Variants in RETREG1 observed in about 807,000 individuals in gnomAD.
The protein encoded by RETREG1 is family with sequence similarity 134 member B.
Under a neutral mutation model 54.8 loss-of-function variants are expected in RETREG1, and 44 were observed. That is an observed-to-expected ratio of 0.80 (90% CI 0.63 to 1.03). RETREG1 has a LOEUF of 1.03. Among genes scored for constraint, RETREG1 ranks in the 50% least tolerant of loss-of-function variants. The probability of loss-of-function intolerance (pLI) is 0.00; values close to 1 mark genes in which losing one functional copy is unlikely to be tolerated. For missense variants in RETREG1, 554 were observed against 605.1 expected, an observed-to-expected ratio of 0.92 and a Z score of 0.89; for synonymous variants, 217 against 238.5, an observed-to-expected ratio of 0.91 and a Z score of 0.83.
chr5:16,534,890 A>G (rs1741011408), intron 3 of RETREG1, among the ~76,000 whole-genome samples: 1 of 152,190 alleles, frequency 6.6e-6, no homozygotes, highest in Non-Finnish European at 1.5e-5. Flanking sequence ...TCATTCATTC[A>G]TCGGGCATTT....
At position 16,585,907 on chromosome 5, in the gene RETREG1, A is replaced by G. The variant is rs1349043855; in HGVS notation, c.321-13805T>C. 6.6e-6 allele frequency among the ~76,000 whole-genome samples: 1 copy of G among 152,080 alleles called. No individual in the cohort carries two copies. Among genetic ancestry groups the G allele is most frequent in the South Asian group, 2.1e-4 (1 of 4,820 alleles). On this transcript the variant is annotated intron_variant, in intron 1 of 8. Coordinates refer to ENST00000306320, the MANE Select transcript of RETREG1 (RefSeq NM_001034850.3). The surrounding 1 kb of genome is among the most constrained non-coding windows in gnomAD (Gnocchi z 4.5). ...ACTATCTTGAGAACAGCACCAAGCT[A>G]TGAGAGATCCACCCCCATCACCCAA...
chr5:16,492,229 T>TCTCTCTCTCTCACACACA (rs1406702350), intron 3 of RETREG1, among the ~76,000 whole-genome samples: 5 of 110,642 alleles, frequency 4.5e-5, no homozygotes, highest in African/African-American at 1.6e-4. Flanking sequence ...TCTCTCTCTC[T>TCTCTCTCTCTCACACACA]CACACACACA....
chr5:16,538,829 C>T (rs1418143948), intron 3 of RETREG1, among the ~76,000 whole-genome samples: 8 of 152,108 alleles, frequency 5.3e-5, no homozygotes, highest in Non-Finnish European at 7.4e-5. Flanking sequence ...CTCAGCCTCC[C>T]GAGTGGCTGG....
In RETREG1 at chr5:16,475,083, G is replaced by T. The variant is rs943804040; in HGVS notation, c.1152C>A (p.His384Gln). Residue 384 changes from histidine (H) to glutamine (Q), a missense_variant, in exon 9 of 9, where the codon CAC becomes CAA. Physicochemically the swap from His to Gln is conservative, Grantham distance 24 (BLOSUM62 0). Around this residue, in one of 4 missense-constraint regions of RETREG1, gnomAD observed 347 missense variants for 412.3 expected, o/e 0.84. Coordinates refer to ENST00000306320, the MANE Select transcript of RETREG1 (RefSeq NM_001034850.3). ...KRKKEQLDSGHRPSKETQSAA... is the reference protein window; with the variant it reads ...KRKKEQLDSGQRPSKETQSAA... ...CTGATTGCGTCTCTTTGCTTGGTCT[G>T]TGACCACTGTCCAACTGTTCCTTCT... 3.7e-6 allele frequency: 6 copies of T among 1,613,860 alleles called. No homozygotes were observed. The African/African-American group carries it at 8.0e-5, about 22-fold the overall frequency.
intron 3 of RETREG1, among the ~76,000 whole-genome samples, chr5:16,536,803 T>C (rs1741086752): frequency 6.6e-6 from 1 of 152,234 alleles, no homozygotes; most frequent in Admixed American, 6.5e-5. Context: ...GACTCTTGTC[T>C]TGCAGGAGCA....
intron 3 of RETREG1, among the ~76,000 whole-genome samples, chr5:16,496,191 CAGTT>C (rs991685652): frequency 4.6e-5 from 7 of 152,084 alleles, no homozygotes; most frequent in African/African-American, 1.4e-4. Context: ...TTTTCATAAA[CAGTT>C]ATATGTATTA....
chr5:16,574,217 A>G (rs909248831), intron 1 of RETREG1, among the ~76,000 whole-genome samples: 1 of 152,164 alleles, frequency 6.6e-6, no homozygotes, highest in Non-Finnish European at 1.5e-5. Flanking sequence ...CAGCAGGAAG[A>G]GAAAGCAAAA....
At chr5:16,485,092 A>G (rs758903421) in intron 3 of RETREG1, among the ~76,000 whole-genome samples, 2 of 152,100 alleles carry the variant, frequency 1.3e-5, no homozygotes, top group Non-Finnish European at 2.9e-5. Flanking sequence ...TGCACCAGAG[A>G]GCAAAAGCTA....
rs1738461818 is a variant in RETREG1 at position 16,474,980 on chromosome 5, C to G, written c.1255G>C (p.Ala419Pro). The G allele has an allele frequency of 6.2e-7, 1 of 1,613,772 alleles. No individual in the cohort carries two copies. Among genetic ancestry groups the G allele is most frequent in the East Asian group, 2.2e-5 (1 of 44,878 alleles). The change falls in exon 9 of 9, where the codon GCT becomes CCT. Residue 419 changes from alanine (A) to proline (P), a missense_variant. Physicochemically the swap from Ala to Pro is conservative, Grantham distance 27. Around this residue, in one of 4 missense-constraint regions of RETREG1, gnomAD observed 347 missense variants for 412.3 expected, o/e 0.84. Coordinates refer to ENST00000306320, the MANE Select transcript of RETREG1 (RefSeq NM_001034850.3). ...MSNLAGDVIT[A>P]AVTAAIKDQL... is the part of the protein sequence containing the mutation. Reference sequence around the variant, plus strand: ...TCTTTGATAGCTGCAGTCACTGCAGCTGTGATAACATCCCCAGCCAGGTTG... The same window carrying G: ...TCTTTGATAGCTGCAGTCACTGCAGGTGTGATAACATCCCCAGCCAGGTTG...
chr5:16,616,739 C>G lies in RETREG1; in HGVS notation c.233G>C (p.Trp78Ser). The change falls in exon 1 of 9, where the codon TGG (tryptophan) becomes TCG (serine). Residue 78 changes from tryptophan to serine, a missense_variant. Around this residue, in one of 4 missense-constraint regions of RETREG1, gnomAD observed 175 missense variants for 142.1 expected, o/e 1.23. Transcript: ENST00000306320. Reference sequence around the variant, plus strand: ...CAGCTCGTCGGCGCGGCAGCCCAGCCACAGCACCGGCTCCCCGAGCAGCCA... The same window carrying G: ...CAGCTCGTCGGCGCGGCAGCCCAGCGACAGCACCGGCTCCCCGAGCAGCCA... ...VTWLLGEPVL[W>S]LGCRADELLS... 1 of 1,578,936 alleles carries G rather than the reference C, an allele frequency of 6.3e-7. No individual in the cohort carries two copies. Among genetic ancestry groups the G allele is most frequent in the Non-Finnish European group, 8.5e-7 (1 of 1,170,266 alleles).
chr5:16,555,974 A>G (rs113484385), intron 3 of RETREG1, among the ~76,000 whole-genome samples: 212 of 152,258 alleles, frequency 1.4e-3, no homozygotes, highest in African/African-American at 4.8e-3. Context: ...GTTATTTTCC[A>G]TATTTATAAA....
chr5:16,473,635 T>C lies in RETREG1; in HGVS notation c.*1106A>G, dbSNP rs1320133403. The C allele has an allele frequency of 1.3e-5, 2 of 152,548 alleles. No individual in the cohort carries two copies. Among genetic ancestry groups the C allele is most frequent in the Non-Finnish European group, 2.9e-5 (2 of 68,008 alleles). The allele number at this position is 152,548 out of a possible 1,614,324, so 9.4% of individuals were successfully genotyped here. A position where few individuals can be genotyped will look rare whatever the true frequency, so the allele number is the denominator to read the frequency against. ...TGGTTTCAGCTCTTTAGTCCTTTGT[T>C]AAAAACCATAAATCAAATTTGGTTA... On this transcript the variant is annotated 3_prime_UTR_variant, in exon 9 of 9. Coordinates refer to ENST00000306320, the MANE Select transcript of RETREG1 (RefSeq NM_001034850.3).
intron 3 of RETREG1, among the ~76,000 whole-genome samples, chr5:16,555,100 C>G (rs947381393): frequency 1.1e-4 from 17 of 152,112 alleles, no homozygotes; most frequent in African/African-American, 3.9e-4. Flanking sequence ...TAATTATTTT[C>G]TGACTCACTA....
At chr5:16,479,835 T>A (rs1738692206) in intron 5 of RETREG1, among the ~76,000 whole-genome samples, 1 of 152,076 alleles carries the variant, frequency 6.6e-6, no homozygotes, top group Non-Finnish European at 1.5e-5. Context: ...TATGTAAATT[T>A]TAAAGTCCAT....
In RETREG1 at chr5:16,478,081, T is replaced by A. The variant is rs1215543753; in HGVS notation, c.826A>T (p.Ser276Cys). 6.2e-7 allele frequency: 1 copy of A among 1,610,872 alleles called. No individual in the cohort carries two copies. The highest frequency in any genetic ancestry group is 1.7e-5 in the Admixed American group (1 of 59,768). The change falls in exon 7 of 9, where the codon AGT (serine) becomes TGT (cysteine). Residue 276 changes from serine (S) to cysteine (C), a missense_variant. Ser to Cys is a moderately radical substitution (Grantham distance 112). This residue lies in a region of RETREG1 where 347 missense variants were observed against 412.3 expected (regional missense o/e 0.84). Coordinates refer to ENST00000306320, the MANE Select transcript of RETREG1 (RefSeq NM_001034850.3). ...RERSEADKEK[S>C]HKDDSELDFS... ...TCTAATTCACTGTCATCTTTGTGAC[T>A]TTTTTCTTTGTCTGCTTCTGTTGAG...
At chr5:16,556,021 A>C (rs1476225018) in intron 3 of RETREG1, among the ~76,000 whole-genome samples, 1 of 152,214 alleles carries the variant, frequency 6.6e-6, no homozygotes, top group East Asian at 1.9e-4. Context: ...ATAACTCAGG[A>C]TCTGCTAACT....
chr5:16,590,837 AACACACATGC>A (rs1436199775), intron 1 of RETREG1, among the ~76,000 whole-genome samples: 1 of 115,464 alleles, frequency 8.7e-6, no homozygotes, highest in Non-Finnish European at 1.9e-5. Flanking sequence ...CACACATGCA[AACACACATGC>A]ACACACAAAA....
In RETREG1 at chr5:16,561,757, G is replaced by A. The variant is rs1741862777; in HGVS notation, c.458+4006C>T. Reference sequence around the variant, plus strand: ...AACACTCAAACAGCTTCTGTATTAAGAGACAGCACAGCAGAAATTCTCACA... The same window carrying A: ...AACACTCAAACAGCTTCTGTATTAAAAGACAGCACAGCAGAAATTCTCACA... On this transcript the variant is annotated intron_variant, in intron 3 of 8. Coordinates refer to ENST00000306320, the MANE Select transcript of RETREG1 (RefSeq NM_001034850.3). This position sits in a 1 kb window ranked among gnomAD's most constrained non-coding sequence, Gnocchi z 4.2. Among the ~76,000 whole-genome samples the A allele has an allele frequency of 6.6e-6, 1 of 152,182 alleles. No individual in the cohort carries two copies. Among genetic ancestry groups the A allele is most frequent in the Admixed American group, 6.5e-5 (1 of 15,282 alleles).
intron 3 of RETREG1, among the ~76,000 whole-genome samples, chr5:16,517,689 T>A (rs1740403829): frequency 6.6e-6 from 1 of 152,184 alleles, no homozygotes; most frequent in African/African-American, 2.4e-5. Context: ...GGCAGCCACA[T>A]GTTTTTGATC....
Sources: gnomAD v4.1 joint callset for allele counts (sites outside exome capture counted in the v4.1 genomes callset) on GRCh38, gnomAD v4.1.1 for gene constraint, gnomAD v4.1.1 regional missense constraint, Gnocchi (gnomAD v3.1) non-coding constraint, MANE v1.5 for transcripts, NCBI Gene and HGNC (gene_info 2026-07-23, HGNC 2026-07-21) for gene names.